MAP3K5: variants seen among roughly 807,000 people sequenced by gnomAD.
MAP3K5 encodes mitogen-activated protein kinase kinase kinase 5.
In MAP3K5, 56 loss-of-function variants were observed where a neutral mutation model predicts 158.7. The ratio of observed to expected loss-of-function variants is 0.35; its 90% CI spans 0.28 to 0.44. The LOEUF is 0.44. Among genes scored for constraint, MAP3K5 ranks in the 20% least tolerant of loss-of-function variants. The pLI is 1.00. For synonymous variants in MAP3K5, 579 were observed against 601.7 expected, an observed-to-expected ratio of 0.96 and a Z score of 0.55; for missense variants, 1,294 against 1,674.8, an observed-to-expected ratio of 0.77 and a Z score of 3.97.
intron 14 of MAP3K5, among the ~76,000 whole-genome samples, chr6:136,631,355 G>GT (rs1251572613): frequency 6.6e-6 from 1 of 152,104 alleles, no homozygotes; most frequent in Non-Finnish European, 1.5e-5. Flanking sequence ...GAAATAGGAT[G>GT]TTAAAAAAGA....
At chr6:136,736,214 C>T (rs975980495) in intron 1 of MAP3K5, among the ~76,000 whole-genome samples, 1 of 152,050 alleles carries the variant, frequency 6.6e-6, no homozygotes, top group Non-Finnish European at 1.5e-5. Flanking sequence ...CACAGTGCTC[C>T]AAGATTCTTA....
intron 23 of MAP3K5, among the ~76,000 whole-genome samples, chr6:136,584,659 G>A (rs1030232123): frequency 9.2e-5 from 14 of 152,146 alleles, no homozygotes; most frequent in Admixed American, 9.2e-4. Context: ...TTCAAGATGA[G>A]ATTTGAGTGG....
chr6:136,713,666 T>C (rs1028191312), intron 2 of MAP3K5, among the ~76,000 whole-genome samples: 5 of 152,186 alleles, frequency 3.3e-5, no homozygotes, highest in African/African-American at 1.2e-4. Context: ...GGAATGATTA[T>C]AGCTTAGATG....
chr6:136,680,009 G>A (rs1465647739), intron 7 of MAP3K5, among the ~76,000 whole-genome samples: 1 of 152,010 alleles, frequency 6.6e-6, no homozygotes. Context: ...CTACAATGCA[G>A]AGGAAGATTT....
At chr6:136,767,274 G>A (rs1784005304) in intron 1 of MAP3K5, among the ~76,000 whole-genome samples, 1 of 151,156 alleles carries the variant, frequency 6.6e-6, no homozygotes, top group Non-Finnish European at 1.5e-5. Context: ...AGGGAAGGAA[G>A]ACAACATAAA....
At chr6:136,737,397 T>C (rs1782524222) in intron 1 of MAP3K5, among the ~76,000 whole-genome samples, 1 of 151,664 alleles carries the variant, frequency 6.6e-6, no homozygotes, top group Admixed American at 6.6e-5. Flanking sequence ...AAATAAAAGT[T>C]GAAAAAAAGG....
chr6:136,635,552 T>C (rs1457567359), intron 14 of MAP3K5, among the ~76,000 whole-genome samples: 1 of 152,004 alleles, frequency 6.6e-6, no homozygotes, highest in Non-Finnish European at 1.5e-5. Context: ...AGCTATACAA[T>C]TGCTAGATAA....
At chr6:136,777,391 G>A (rs373753484) in intron 1 of MAP3K5, among the ~76,000 whole-genome samples, 7 of 152,156 alleles carry the variant, frequency 4.6e-5, no homozygotes, top group East Asian at 3.8e-4. Flanking sequence ...CAGGGTCTCC[G>A]TTTGCCCAGG....
chr6:136,715,156 A>C (rs1178364883), intron 2 of MAP3K5, among the ~76,000 whole-genome samples: 3 of 152,218 alleles, frequency 2.0e-5, no homozygotes, highest in African/African-American at 7.2e-5. Flanking sequence ...ATCAAGAAAC[A>C]TTACTTCTAT....
At chr6:136,638,219 C>CA (rs201740967) in intron 13 of MAP3K5, among the ~76,000 whole-genome samples, 4,273 of 151,032 alleles carry the variant, frequency 0.028, 214 homozygotes, top group African/African-American at 0.098. Context: ...AGTGAAAGAT[C>CA]AAAAAAAAAT....
intron 3 of MAP3K5, among the ~76,000 whole-genome samples, chr6:136,700,138 G>C (rs1780785256): frequency 6.6e-6 from 1 of 152,050 alleles, no homozygotes; most frequent in Admixed American, 6.6e-5. Flanking sequence ...AAGAAGAAGG[G>C]AGGAAGGAGG....
intron 1 of MAP3K5, among the ~76,000 whole-genome samples, chr6:136,789,651 G>A (rs1381493645): frequency 6.6e-6 from 1 of 150,532 alleles, no homozygotes; most frequent in African/African-American, 2.4e-5. Flanking sequence ...CCTAAATGGA[G>A]GAAGCAAGGG....
At chr6:136,573,938 T>C (rs1160396091) in intron 25 of MAP3K5, among the ~76,000 whole-genome samples, 5 of 151,104 alleles carry the variant, frequency 3.3e-5, no homozygotes, top group African/African-American at 1.2e-4. Context: ...TTCTTTCTTT[T>C]TTTTTTTTTT....
intron 7 of MAP3K5, among the ~76,000 whole-genome samples, chr6:136,693,926 T>G (rs1199624242): frequency 6.6e-6 from 1 of 152,182 alleles, no homozygotes; most frequent in Non-Finnish European, 1.5e-5. Context: ...AGGCAGAGGT[T>G]GCAGTGAGCT....
intron 18 of MAP3K5, among the ~76,000 whole-genome samples, chr6:136,608,064 G>A (rs980458546): frequency 3.3e-5 from 5 of 152,194 alleles, no homozygotes; most frequent in Non-Finnish European, 1.5e-5. Context: ...GACAGCTGGG[G>A]TAGCGGCAGG....
intron 1 of MAP3K5, among the ~76,000 whole-genome samples, chr6:136,735,880 A>C (rs1004187822): frequency 1.3e-5 from 2 of 152,206 alleles, no homozygotes. Context: ...TTAAAAAATA[A>C]AGAATGCTAA....
chr6:136,750,297 C>T (rs1226891195), intron 1 of MAP3K5, among the ~76,000 whole-genome samples: 2 of 152,172 alleles, frequency 1.3e-5, no homozygotes, highest in African/African-American at 2.4e-5. Flanking sequence ...AGGCTGGTCT[C>T]GAACTCCTGG....
chr6:136,603,781 G>C (rs1198477880), intron 19 of MAP3K5, among the ~76,000 whole-genome samples: 1 of 152,186 alleles, frequency 6.6e-6, no homozygotes. Flanking sequence ...GCCAAGAAGA[G>C]AAAGACATCC....
chr6:136,770,178 T>C (rs1784139964), intron 1 of MAP3K5, among the ~76,000 whole-genome samples: 1 of 152,126 alleles, frequency 6.6e-6, no homozygotes. Flanking sequence ...TTTGAGACCA[T>C]GTTGGGGCAT....
Sources: gnomAD v4.1 joint callset for allele counts (sites outside exome capture counted in the v4.1 genomes callset) on GRCh38, gnomAD v4.1.1 for gene constraint, MANE v1.5 for transcripts, NCBI Gene and HGNC (gene_info 2026-07-23, HGNC 2026-07-21) for gene names.